The following RTL4 variants were observed in gnomAD, a reference collection of about 807,000 sequenced individuals.
RTL4 encodes retrotransposon Gag-like protein 4.
A neutral mutation model predicts 5.3 loss-of-function variants in RTL4; 4 were observed. The observed-to-expected ratio is 0.75, with a 90% CI of 0.37 to 1.72. The LOEUF (loss-of-function observed/expected upper bound fraction) is 1.72, where lower values mean the gene tolerates loss of function less well. Ranked by LOEUF, RTL4 falls within the 40% of genes most tolerant of loss-of-function variation. The pLI, the probability that RTL4 is intolerant of heterozygous loss-of-function variation, is 0.04. For synonymous variants in RTL4, 98 were observed against 87.3 expected, an observed-to-expected ratio of 1.12 and a Z score of -0.68; for missense variants, 260 against 227.1, an observed-to-expected ratio of 1.14 and a Z score of -0.93.
the RTL4 span, among the ~76,000 whole-genome samples, chrX:112,100,135 A>C: frequency 8.9e-6 from 1 of 111,793 alleles, no homozygotes; most frequent in Admixed American, 9.5e-5. Context: ...CTTGAAACAC[A>C]AGAGTGCGAA....
chrX:112,273,905 C>A, the RTL4 span, among the ~76,000 whole-genome samples: 1 of 112,093 alleles, frequency 8.9e-6, no homozygotes, highest in Admixed American at 9.4e-5. Context: ...CTACCTGGCA[C>A]ATAGCAAATC....
chrX:112,185,900 CTAAT>C, the RTL4 span, among the ~76,000 whole-genome samples: 1 of 110,844 alleles, frequency 9.0e-6, no homozygotes, highest in Admixed American at 9.7e-5. Context: ...ATTGTGGGAG[CTAAT>C]TAGTTTCCAT....
the RTL4 span, among the ~76,000 whole-genome samples, chrX:112,391,978 G>A: frequency 6.3e-5 from 7 of 111,476 alleles, no homozygotes; most frequent in African/African-American, 2.3e-4. Flanking sequence ...CTGTGTTTGG[G>A]GCTCAAGCCA....
the RTL4 span, among the ~76,000 whole-genome samples, chrX:112,349,737 T>G: frequency 1.0e-5 from 1 of 96,514 alleles, no homozygotes; most frequent in Admixed American, 1.2e-4. Flanking sequence ...TTGCTGAAGT[T>G]GCTTATCAGC....
the RTL4 span, among the ~76,000 whole-genome samples, chrX:112,141,588 A>G: frequency 1.8e-5 from 2 of 111,224 alleles, no homozygotes; most frequent in African/African-American, 3.3e-5. Context: ...TGGAGATCCA[A>G]TTCTGTTGGT....
At chrX:112,376,297 G>C in the RTL4 span, among the ~76,000 whole-genome samples, 3 of 111,501 alleles carry the variant, frequency 2.7e-5, no homozygotes, top group Non-Finnish European at 5.6e-5. Context: ...TATTGAATCT[G>C]AGTTGACATT....
the RTL4 span, among the ~76,000 whole-genome samples, chrX:112,281,477 C>T: frequency 9.0e-6 from 1 of 111,644 alleles, no homozygotes; most frequent in African/African-American, 3.2e-5. Context: ...TTTTGACATA[C>T]TGATTTTGTT....
At chrX:112,171,935 G>A in the RTL4 span, among the ~76,000 whole-genome samples, 2 of 112,036 alleles carry the variant, frequency 1.8e-5, no homozygotes, top group African/African-American at 3.2e-5. Context: ...CCTATAGAAT[G>A]AGAGAGAACT....
At chrX:112,443,452 A>G in the RTL4 span, among the ~76,000 whole-genome samples, 5 of 111,616 alleles carry the variant, frequency 4.5e-5, no homozygotes, top group African/African-American at 1.6e-4. Context: ...GTATATACCC[A>G]GCAGTGAGAT....
the RTL4 span, among the ~76,000 whole-genome samples, chrX:112,286,653 C>T: frequency 9.0e-6 from 1 of 110,896 alleles, no homozygotes; most frequent in Non-Finnish European, 1.9e-5. Context: ...GGGAATGGCA[C>T]CACTACCATC....
At chrX:112,187,503 AAAGAC>A in the RTL4 span, among the ~76,000 whole-genome samples, 1 of 111,723 alleles carries the variant, frequency 9.0e-6, no homozygotes, top group African/African-American at 3.3e-5. Flanking sequence ...ATCTGGGCAG[AAAGAC>A]AAGATAAGCC....
chrX:112,285,280 G>T, the RTL4 span, among the ~76,000 whole-genome samples: 10 of 111,566 alleles, frequency 9.0e-5, no homozygotes, highest in Admixed American at 8.6e-4. Context: ...ATAATCCAGT[G>T]GTTACAGTGA....
chrX:112,156,265 A>T, the RTL4 span, among the ~76,000 whole-genome samples: 12,813 of 112,278 alleles, frequency 0.11, 1,794 homozygotes, highest in African/African-American at 0.39. Context: ...ATATTACCCA[A>T]GAGTTGCAAG....
the RTL4 span, among the ~76,000 whole-genome samples, chrX:112,272,247 A>G: frequency 3.6e-5 from 4 of 112,457 alleles, no homozygotes; most frequent in Admixed American, 1.9e-4. Context: ...ATTTAAGCAT[A>G]TCATGGGTTA....
chrX:112,133,465 G>A, the RTL4 span, among the ~76,000 whole-genome samples: 1 of 111,882 alleles, frequency 8.9e-6, no homozygotes, highest in East Asian at 2.8e-4. Flanking sequence ...ATCAAAAGGC[G>A]ATGAAGCGAT....
At chrX:112,314,242 C>T in the RTL4 span, among the ~76,000 whole-genome samples, 60 of 111,525 alleles carry the variant, frequency 5.4e-4, no homozygotes, top group Admixed American at 5.6e-3. Context: ...CACATCCCAC[C>T]GGGGTTTTAA....
the RTL4 span, among the ~76,000 whole-genome samples, chrX:112,259,601 A>G: frequency 9.0e-6 from 1 of 110,680 alleles, no homozygotes; most frequent in Non-Finnish European, 1.9e-5. Context: ...GGCACATAAT[A>G]ATCATACAGT....
At chrX:112,213,300 T>G in the RTL4 span, among the ~76,000 whole-genome samples, 1 of 113,069 alleles carries the variant, frequency 8.8e-6, no homozygotes, top group African/African-American at 3.2e-5. Context: ...CAATAACATT[T>G]ACTTCACAGG....
At chrX:112,327,767 T>A in the RTL4 span, among the ~76,000 whole-genome samples, 1 of 110,937 alleles carries the variant, frequency 9.0e-6, no homozygotes, top group East Asian at 2.8e-4. Flanking sequence ...AAAGGTCGGG[T>A]TAACCTCAAA....
Sources: gnomAD v4.1 joint callset for allele counts (sites outside exome capture counted in the v4.1 genomes callset) on GRCh38, gnomAD v4.1.1 for gene constraint, MANE v1.5 for transcripts, NCBI Gene and HGNC (gene_info 2026-07-23, HGNC 2026-07-21) for gene names.